The following GREB1L variants were observed in gnomAD, a reference collection of about 807,000 sequenced individuals.
GREB1L encodes GREB1 like retinoic acid receptor coactivator.
A neutral mutation model predicts 200.8 loss-of-function variants in GREB1L; 17 were observed. The ratio of observed to expected loss-of-function variants is 0.08; its 90% confidence interval spans 0.06 to 0.13. GREB1L has a LOEUF of 0.13. Among genes scored for constraint, GREB1L ranks in the 10% least tolerant of loss-of-function variants. The probability of loss-of-function intolerance (pLI) is 1.00; values close to 1 mark genes in which losing one functional copy is unlikely to be tolerated. For missense variants in GREB1L, 1,657 were observed against 2,367.7 expected (o/e 0.70, Z 6.23); for synonymous variants, 789 against 893.0 (o/e 0.88, Z 2.08).
chr18:21,291,260 C>T (rs1020827748), intron 1 of GREB1L, among the ~76,000 whole-genome samples: 1 of 152,150 alleles, frequency 6.6e-6, no homozygotes, highest in African/African-American at 2.4e-5. Flanking sequence ...TTTCTTTGCT[C>T]ACCTGGAGTG....
intron 1 of GREB1L, among the ~76,000 whole-genome samples, chr18:21,330,705 C>A (rs2039094743): frequency 6.6e-6 from 1 of 151,946 alleles, no homozygotes; most frequent in Non-Finnish European, 1.5e-5. Context: ...CTAAGTCTCT[C>A]TTTGAAAAAA....
chr18:21,505,066 T>C (rs943818408), intron 23 of GREB1L, among the ~76,000 whole-genome samples: 3 of 152,214 alleles, frequency 2.0e-5, no homozygotes, highest in African/African-American at 7.2e-5. Flanking sequence ...ATCTCTTGGG[T>C]GTCAGTATAT....
chr18:21,513,937 G>A lies in GREB1L; in HGVS notation c.4852G>A (p.Asp1618Asn), dbSNP rs566312017. The change falls in exon 28 of 33, where the codon GAT becomes AAT. Residue 1618 changes from aspartate to asparagine, a missense_variant. Physicochemically the swap from Asp to Asn is conservative, Grantham distance 23. Transcript: ENST00000424526. ...QCVWPFIVMMDDSCVLWNIHS... is the reference protein window; with the variant it reads ...QCVWPFIVMMNDSCVLWNIHS... Reference sequence around the variant, plus strand: ...TGTCTGGCCTTTCATCGTCATGATGGATGACTCATGTGTCCTATGGAACAT... The same window carrying A: ...TGTCTGGCCTTTCATCGTCATGATGAATGACTCATGTGTCCTATGGAACAT... 6.4e-7 allele frequency: 1 copy of A among 1,551,682 alleles called. No individual in the cohort carries two copies. Among genetic ancestry groups the A allele is most frequent in the African/African-American group, 1.4e-5 (1 of 73,176 alleles).
intron 1 of GREB1L, among the ~76,000 whole-genome samples, chr18:21,265,071 G>C (rs1223398515): frequency 6.6e-6 from 1 of 152,034 alleles, no homozygotes; most frequent in Admixed American, 6.6e-5. Flanking sequence ...TTGTTTTTCA[G>C]ATTAGAGCAA....
intron 1 of GREB1L, among the ~76,000 whole-genome samples, chr18:21,357,906 C>G (rs1347210272): frequency 6.6e-6 from 1 of 152,100 alleles, no homozygotes; most frequent in Non-Finnish European, 1.5e-5. Context: ...ATGCCTCCAG[C>G]TTTGTTCTTT....
chr18:21,244,273 A>G (rs1336544191), intron 1 of GREB1L, among the ~76,000 whole-genome samples: 1 of 152,220 alleles, frequency 6.6e-6, no homozygotes, highest in Non-Finnish European at 1.5e-5. Flanking sequence ...TTTATGAAGT[A>G]GAGAATGAGA....
chr18:21,359,558 A>G (rs768008376), intron 1 of GREB1L, among the ~76,000 whole-genome samples: 40 of 152,344 alleles, frequency 2.6e-4, no homozygotes, highest in Non-Finnish European at 2.2e-4. Context: ...GTGATAATAT[A>G]CATTTTATAG....
chr18:21,247,686 T>C (rs529618448), intron 1 of GREB1L, among the ~76,000 whole-genome samples: 4 of 152,368 alleles, frequency 2.6e-5, no homozygotes, highest in African/African-American at 9.6e-5. Context: ...TGGATAGGTT[T>C]ATTTTGAAGA....
At chr18:21,347,745 A>G (rs1380011877) in intron 1 of GREB1L, among the ~76,000 whole-genome samples, 1 of 141,808 alleles carries the variant, frequency 7.1e-6, no homozygotes, top group African/African-American at 2.6e-5. Context: ...GTGAGCCACC[A>G]TGCCCAGCCC....
At chr18:21,490,513 A>G (rs1372689240) in intron 19 of GREB1L, among the ~76,000 whole-genome samples, 162 bp downstream of exon 19, 3 of 152,192 alleles carry the variant, frequency 2.0e-5, no homozygotes, top group African/African-American at 7.2e-5. Context: ...TCTTAATTAG[A>G]ACCAGTTTGT....
chr18:21,261,912 TAA>T (rs1455451558), intron 1 of GREB1L, among the ~76,000 whole-genome samples: 2 of 152,138 alleles, frequency 1.3e-5, no homozygotes, highest in African/African-American at 4.8e-5. Context: ...CTAGGAAAAG[TAA>T]AAGTGTTTTG....
intron 1 of GREB1L, among the ~76,000 whole-genome samples, chr18:21,246,066 C>A (rs1455282050): frequency 6.6e-6 from 1 of 152,124 alleles, no homozygotes; most frequent in Admixed American, 6.6e-5. Context: ...CTTTTCTTTT[C>A]TTCTTTTTCC....
At chr18:21,419,959 T>C (rs2032006983) in intron 7 of GREB1L, among the ~76,000 whole-genome samples, 3 of 152,346 alleles carry the variant, frequency 2.0e-5, no homozygotes, top group East Asian at 3.9e-4. Flanking sequence ...GGGAAAATAT[T>C]TGTGACCTGG....
chr18:21,253,453 G>T (rs1309146825), intron 1 of GREB1L, among the ~76,000 whole-genome samples: 1 of 151,944 alleles, frequency 6.6e-6, no homozygotes, highest in African/African-American at 2.4e-5. Context: ...GTTTCACCGT[G>T]TTGGCCAGGC....
chr18:21,377,501 T>G (rs2040120001), intron 2 of GREB1L, among the ~76,000 whole-genome samples: 1 of 152,080 alleles, frequency 6.6e-6, no homozygotes, highest in South Asian at 2.1e-4. Context: ...AGAGGTCGGG[T>G]ACAGTGGCTC....
chr18:21,463,631 G>C (rs541356719), intron 15 of GREB1L, among the ~76,000 whole-genome samples: 2 of 152,284 alleles, frequency 1.3e-5, no homozygotes, highest in African/African-American at 4.8e-5. Flanking sequence ...AGGTTGGAGT[G>C]CAGTGGCATG....
chr18:21,422,420 A>C (rs1169183290), intron 7 of GREB1L, among the ~76,000 whole-genome samples: 3 of 152,132 alleles, frequency 2.0e-5, no homozygotes, highest in African/African-American at 7.2e-5. Context: ...CCTTATTTCT[A>C]GTCTCCTCCC....
chr18:21,348,352 A>C (rs1487187109), intron 1 of GREB1L, among the ~76,000 whole-genome samples: 1 of 152,042 alleles, frequency 6.6e-6, no homozygotes, highest in Non-Finnish European at 1.5e-5. Context: ...ACCAGTACCC[A>C]TAGCAGCTGG....
intron 1 of GREB1L, among the ~76,000 whole-genome samples, chr18:21,280,182 C>T (rs551148480): frequency 6.6e-6 from 1 of 152,114 alleles, no homozygotes; most frequent in African/African-American, 2.4e-5. Flanking sequence ...ACTAAAAATC[C>T]TTTGAGCTCC....
Sources: gnomAD v4.1 joint callset for allele counts (sites outside exome capture counted in the v4.1 genomes callset) on GRCh38, gnomAD v4.1.1 for gene constraint, MANE v1.5 for transcripts, NCBI Gene and HGNC (gene_info 2026-07-23, HGNC 2026-07-21) for gene names.